ARHGAP24: variants seen among roughly 807,000 people sequenced by gnomAD.
ARHGAP24 encodes rho GTPase-activating protein 24.
Under a neutral mutation model 76.4 loss-of-function variants are expected in ARHGAP24, and 50 were observed. The ratio of observed to expected loss-of-function variants is 0.65; its 90% confidence interval spans 0.52 to 0.83. The LOEUF (loss-of-function observed/expected upper bound fraction) is 0.83. Among genes scored for constraint, ARHGAP24 ranks in the 40% least tolerant of loss-of-function variants. The probability of loss-of-function intolerance (pLI) is 0.00; values close to 1 mark genes in which losing one functional copy is unlikely to be tolerated. For synonymous variants in ARHGAP24, 345 were observed against 323.3 expected (o/e 1.07, Z -0.72); for missense variants, 930 against 914.2 (o/e 1.02, Z -0.22).
At chr4:85,935,797 C>T (rs1241906540) in intron 4 of ARHGAP24, among the ~76,000 whole-genome samples, 1 of 152,130 alleles carries the variant, frequency 6.6e-6, no homozygotes, top group African/African-American at 2.4e-5. Context: ...AGACCTAGTC[C>T]ACTGGGTCGC....
chr4:85,932,052 C>G lies in ARHGAP24; in HGVS notation c.391+8282C>G, dbSNP rs138646737. 4.9e-3 allele frequency among the ~76,000 whole-genome samples: 739 copies of G among 151,966 alleles called. 4 individuals carry two copies. The highest frequency in any genetic ancestry group is 0.017 in the African/African-American group (700 of 41,460). The stretch of plus-strand genomic sequence containing the variant: ...GTGGGAACTTTTTTTTTAAGGAAAC[C>G]ATTGTTCCTGCAGAGTGCTTTCCTT... On this transcript the variant is annotated intron_variant, in intron 4 of 9. Coordinates refer to ENST00000395184, the MANE Select transcript of ARHGAP24 (RefSeq NM_001025616.3).
intron 7 of ARHGAP24, among the ~76,000 whole-genome samples, chr4:85,976,469 A>T (rs1739334401): frequency 2.0e-5 from 3 of 152,176 alleles, no homozygotes; most frequent in Admixed American, 6.5e-5. Flanking sequence ...TACCTCAGAG[A>T]GATGCTTTGA....
chr4:85,715,939 A>G (rs192585839), intron 2 of ARHGAP24, among the ~76,000 whole-genome samples: 1 of 152,194 alleles, frequency 6.6e-6, no homozygotes, highest in African/African-American at 2.4e-5. Flanking sequence ...GAACCAACTT[A>G]TATCGTTTTA....
At chr4:85,552,198 T>G (rs907052724) in intron 1 of ARHGAP24, among the ~76,000 whole-genome samples, 9 of 152,200 alleles carry the variant, frequency 5.9e-5, no homozygotes, top group African/African-American at 2.2e-4. Context: ...TTTAGCTGTT[T>G]CCTAGACATT....
At chr4:85,713,456 C>T (rs951136841) in intron 2 of ARHGAP24, among the ~76,000 whole-genome samples, 2 of 151,672 alleles carry the variant, frequency 1.3e-5, no homozygotes, top group African/African-American at 2.4e-5. Flanking sequence ...CCAAAAATAA[C>T]CTATATTAAC....
At chr4:85,575,260 GT>G (rs1262271628) in intron 2 of ARHGAP24, among the ~76,000 whole-genome samples, 1 of 152,054 alleles carries the variant, frequency 6.6e-6, no homozygotes, top group East Asian at 1.9e-4. Flanking sequence ...GATTTTGATT[GT>G]TTTTATAAAA....
intron 3 of ARHGAP24, among the ~76,000 whole-genome samples, chr4:85,731,983 C>T (rs1482093): frequency 0.43 from 65,867 of 151,998 alleles, 16,081 homozygotes; most frequent in East Asian, 0.91. Flanking sequence ...AAGCTATTTA[C>T]AAAGAAGTTA....
intron 2 of ARHGAP24, among the ~76,000 whole-genome samples, chr4:85,646,682 A>G (rs534361497): frequency 6.6e-6 from 1 of 152,204 alleles, no homozygotes; most frequent in African/African-American, 2.4e-5. Flanking sequence ...GACTTTTTAA[A>G]ATCTCTAATT....
intron 2 of ARHGAP24, among the ~76,000 whole-genome samples, chr4:85,707,057 G>A (rs1385976504): frequency 6.6e-6 from 1 of 152,082 alleles, no homozygotes; most frequent in East Asian, 1.9e-4. Context: ...TAGAGCTATA[G>A]GAGCATGTTA....
At chr4:85,812,056 GT>G (rs1205372055) in intron 3 of ARHGAP24, among the ~76,000 whole-genome samples, 1 of 152,026 alleles carries the variant, frequency 6.6e-6, no homozygotes, top group African/African-American at 2.4e-5. Flanking sequence ...CACACCTGTA[GT>G]CCCAGCTACT....
rs181830063 is a variant in ARHGAP24, at chr4:85,489,313, G to A, written c.-21+13754G>A. Among the ~76,000 whole-genome samples, 1,273 of 152,344 alleles carry A rather than the reference G, an allele frequency of 8.4e-3. 8 individuals carry two copies. The highest frequency in any genetic ancestry group is 0.014 in the Non-Finnish European group (979 of 68,028). On this transcript the variant is annotated intron_variant, in intron 1 of 9. Coordinates refer to ENST00000395184, the MANE Select transcript of ARHGAP24 (RefSeq NM_001025616.3). ...GAGAGAAAAAGAGGATTCAGCTCAT[G>A]ATGACTGCTGTGCAAATCTGAGAAA...
chr4:85,852,431 C>A (rs747995773), intron 3 of ARHGAP24, among the ~76,000 whole-genome samples: 3 of 152,118 alleles, frequency 2.0e-5, no homozygotes, highest in Non-Finnish European at 4.4e-5. Context: ...TTTTACCGAC[C>A]TTCTGAAGCC....
At chr4:85,505,659 T>C (rs1193515852) in intron 1 of ARHGAP24, among the ~76,000 whole-genome samples, 2 of 151,978 alleles carry the variant, frequency 1.3e-5, no homozygotes, top group African/African-American at 4.8e-5. Context: ...CTGCTTGTGA[T>C]GGGTTAGGAC....
intron 2 of ARHGAP24, among the ~76,000 whole-genome samples, chr4:85,707,658 T>C (rs1724369033): frequency 6.6e-6 from 1 of 152,142 alleles, no homozygotes; most frequent in Non-Finnish European, 1.5e-5. Flanking sequence ...TGGACACATG[T>C]GCAGGACCCA....
At chr4:85,550,724 T>C (rs1284491281) in intron 1 of ARHGAP24, among the ~76,000 whole-genome samples, 48 of 152,192 alleles carry the variant, frequency 3.2e-4, no homozygotes, top group Non-Finnish European at 2.9e-5. Flanking sequence ...TCTCATGTCT[T>C]TGAGTAGTGT....
At chr4:85,769,064 G>A (rs1359402869) in intron 3 of ARHGAP24, among the ~76,000 whole-genome samples, 2 of 151,986 alleles carry the variant, frequency 1.3e-5, no homozygotes, top group African/African-American at 4.8e-5. Flanking sequence ...GAAAAATATA[G>A]TATTCATATT....
intron 3 of ARHGAP24, among the ~76,000 whole-genome samples, chr4:85,862,091 C>G (rs1290054293): frequency 6.6e-6 from 1 of 152,000 alleles, no homozygotes; most frequent in Non-Finnish European, 1.5e-5. Context: ...CCCCCCTTCT[C>G]TAATTCTCTA....
chr4:85,985,594 T>C lies in ARHGAP24; in HGVS notation c.928+7903T>C, dbSNP rs186457372. On this transcript the variant is annotated intron_variant, in intron 8 of 9. Coordinates refer to ENST00000395184, the MANE Select transcript of ARHGAP24 (RefSeq NM_001025616.3). ...AACCCTCATGACACAAGTTTACCTGTGTAACAAACGTGCAGTTATACCCCT... is the reference window on the plus strand; with the variant it reads ...AACCCTCATGACACAAGTTTACCTGCGTAACAAACGTGCAGTTATACCCCT... Among the ~76,000 whole-genome samples the C allele has an allele frequency of 3.0e-3, 460 of 152,274 alleles. 1 individual carries two copies. The highest frequency in any genetic ancestry group is 5.3e-3 in the Admixed American group (81 of 15,296).
intron 3 of ARHGAP24, among the ~76,000 whole-genome samples, chr4:85,923,255 C>T (rs1045923984): frequency 6.6e-6 from 1 of 152,134 alleles, no homozygotes; most frequent in African/African-American, 2.4e-5. Flanking sequence ...GACTGTTCCA[C>T]GCTTGCTTCA....
Sources: gnomAD v4.1 joint callset for allele counts (sites outside exome capture counted in the v4.1 genomes callset) on GRCh38, gnomAD v4.1.1 for gene constraint, MANE v1.5 for transcripts, NCBI Gene and HGNC (gene_info 2026-07-23, HGNC 2026-07-21) for gene names.